The following CDH19 variants were observed in gnomAD, a reference collection of about 807,000 sequenced individuals.
The protein encoded by CDH19 is cadherin-19.
CDH19 carries 67 observed loss-of-function variants against 64.2 expected under a neutral mutation model. The observed-to-expected ratio is 1.04, with a 90% CI of 0.86 to 1.28. The LOEUF (loss-of-function observed/expected upper bound fraction) is 1.28, where lower values mean the gene tolerates loss of function less well. Ranked by LOEUF, CDH19 falls within the 50% of genes most tolerant of loss-of-function variation. The probability of loss-of-function intolerance (pLI) is 0.00; values close to 1 mark genes in which losing one functional copy is unlikely to be tolerated. For missense variants in CDH19, 1,030 were observed against 929.0 expected (o/e 1.11, Z -1.41); for synonymous variants, 346 against 319.3 (o/e 1.08, Z -0.89).
intron 5 of CDH19, among the ~76,000 whole-genome samples, chr18:66,546,270 A>G (rs996735707): frequency 5.6e-4 from 85 of 152,246 alleles, no homozygotes; most frequent in African/African-American, 2.0e-3. Context: ...ATTTTACTAC[A>G]TTTTTAGAGC....
intron 3 of CDH19, among the ~76,000 whole-genome samples, chr18:66,560,691 C>T (rs1043936962): frequency 1.4e-4 from 22 of 151,972 alleles, no homozygotes; most frequent in African/African-American, 5.1e-4. Flanking sequence ...TATTACTCTT[C>T]CCAGCCTGGA....
intron 1 of CDH19, among the ~76,000 whole-genome samples, chr18:66,573,926 T>C (rs1035664041): frequency 7.6e-6 from 1 of 131,032 alleles, no homozygotes; most frequent in African/African-American, 2.6e-5. Context: ...CACACACAAG[T>C]ATACATGTTA....
chr18:66,514,580 T>A (rs1226541790), intron 9 of CDH19, among the ~76,000 whole-genome samples: 3 of 151,386 alleles, frequency 2.0e-5, no homozygotes, highest in Non-Finnish European at 3.0e-5. Context: ...TGTATGAAAT[T>A]AATATTTTGT....
At chr18:66,601,262 T>A (rs1943317) in intron 1 of CDH19, among the ~76,000 whole-genome samples, 51,288 of 151,650 alleles carry the variant, frequency 0.34, 10,107 homozygotes, top group Non-Finnish European at 0.45. Flanking sequence ...CAACTTAAAG[T>A]CAAAAAAATA....
rs1568167762 is a variant in CDH19 at position 66,505,085 on chromosome 18, G to GT, written c.2045dup (p.Tyr682Ter). Residue 682 changes from tyrosine (Y) to a stop codon, truncating the protein, a stop_gained and frameshift_variant, in exon 12 of 12, where the codon TAC becomes TAAC. Transcript: ENST00000262150. LOFTEE classifies it low-confidence loss of function (END_TRUNC). ...KTTSAEIRSL[Y>*]RQSLQVGPDS... is the part of the protein sequence containing the mutation. The stretch of plus-strand genomic sequence containing the variant: ...CGGGGCCAACTTGCAAAGACTGCCT[G>GT]TATAGGCTCCTGATCTCAGCGCTTG... 1 of 1,613,686 alleles carries GT rather than the reference G, an allele frequency of 6.2e-7. No homozygotes were observed. Among genetic ancestry groups the GT allele is most frequent in the Admixed American group, 1.7e-5 (1 of 59,952 alleles).
intron 3 of CDH19, 69 bp from the exon 4 acceptor site, chr18:66,554,593 G>A (rs1041015155): frequency 1.9e-5 from 25 of 1,335,810 alleles, no homozygotes; most frequent in South Asian, 1.7e-4. Context: ...TCTGTGAAGC[G>A]GTCTTTCTTT....
chr18:66,528,883 G>A (rs1349618460), intron 9 of CDH19, among the ~76,000 whole-genome samples: 3 of 151,960 alleles, frequency 2.0e-5, no homozygotes, highest in Non-Finnish European at 4.4e-5. Context: ...TAATTGAGTT[G>A]ATAGTATCTG....
At chr18:66,531,678 G>C (rs1986450891) in intron 8 of CDH19, among the ~76,000 whole-genome samples, 1 of 152,044 alleles carries the variant, frequency 6.6e-6, no homozygotes, top group South Asian at 2.1e-4. Flanking sequence ...ACTTGAGTTT[G>C]AATCTTGTTT....
At chr18:66,562,911 G>A (rs921146293) in intron 3 of CDH19, among the ~76,000 whole-genome samples, 1 of 152,026 alleles carries the variant, frequency 6.6e-6, no homozygotes, top group Non-Finnish European at 1.5e-5. Context: ...AAAACCTGAG[G>A]TAAAGGTAGT....
At chr18:66,520,831 G>T (rs1008194742) in intron 9 of CDH19, among the ~76,000 whole-genome samples, 1 of 151,944 alleles carries the variant, frequency 6.6e-6, no homozygotes, top group African/African-American at 2.4e-5. Context: ...ACAAGAAAAC[G>T]TTGCTCCTGT....
intron 1 of CDH19, among the ~76,000 whole-genome samples, chr18:66,573,090 C>A (rs1227571719): frequency 6.6e-6 from 1 of 151,598 alleles, no homozygotes; most frequent in African/African-American, 2.4e-5. Flanking sequence ...ACATTTAAAA[C>A]TTTCCATTGA....
At chr18:66,601,326 A>G (rs1989033514) in intron 1 of CDH19, among the ~76,000 whole-genome samples, 1 of 151,902 alleles carries the variant, frequency 6.6e-6, no homozygotes, top group South Asian at 2.1e-4. Context: ...CAGGAATGAC[A>G]TTTCTAAATT....
chr18:66,550,254 T>C (rs1415452219), intron 5 of CDH19, among the ~76,000 whole-genome samples: 1 of 152,162 alleles, frequency 6.6e-6, no homozygotes, highest in Non-Finnish European at 1.5e-5. Context: ...ATAAGAAAAT[T>C]TTACGAAGCA....
At chr18:66,575,700 T>C (rs2144590352) in intron 1 of CDH19, among the ~76,000 whole-genome samples, 1 of 151,876 alleles carries the variant, frequency 6.6e-6, no homozygotes, top group South Asian at 2.1e-4. Context: ...ATACGATACA[T>C]GATTAAATGA....
At chr18:66,517,534 A>G (rs1185041026) in intron 9 of CDH19, among the ~76,000 whole-genome samples, 1 of 152,010 alleles carries the variant, frequency 6.6e-6, no homozygotes, top group Admixed American at 6.6e-5. Flanking sequence ...CCACTTACAC[A>G]TTAAGAACAA....
chr18:66,559,021 A>G (rs1987622979), intron 3 of CDH19, among the ~76,000 whole-genome samples: 1 of 151,948 alleles, frequency 6.6e-6, no homozygotes, highest in African/African-American at 2.4e-5. Flanking sequence ...GAAGAGGTTT[A>G]TGAGAAATGC....
At chr18:66,586,903 T>C (rs1292520430) in intron 1 of CDH19, among the ~76,000 whole-genome samples, 2 of 152,130 alleles carry the variant, frequency 1.3e-5, no homozygotes, top group Non-Finnish European at 2.9e-5. Context: ...TCCATGCCTA[T>C]CCTTTTATTT....
chr18:66,541,264 G>A (rs1986875333), intron 7 of CDH19, among the ~76,000 whole-genome samples: 1 of 152,050 alleles, frequency 6.6e-6, no homozygotes, highest in Middle Eastern at 3.4e-3. Flanking sequence ...AATGAATTGG[G>A]GCTAATTTAC....
chr18:66,580,002 A>G (rs1284432395), intron 1 of CDH19, among the ~76,000 whole-genome samples: 1 of 152,046 alleles, frequency 6.6e-6, no homozygotes, highest in Non-Finnish European at 1.5e-5. Flanking sequence ...GTAAATTGAT[A>G]ATAATTGTTG....
Sources: allele counts gnomAD v4.1 joint callset (sites outside exome capture counted in the v4.1 genomes callset), GRCh38; gene constraint gnomAD v4.1.1; transcripts MANE v1.5; gene names NCBI Gene and HGNC (gene_info 2026-07-23, HGNC 2026-07-21).